FBXW7: variants seen among roughly 807,000 people sequenced by gnomAD.
FBXW7 encodes the protein F-box/WD repeat-containing protein 7.
In FBXW7, 11 loss-of-function variants were observed where a neutral mutation model predicts 86.3. The ratio of observed to expected loss-of-function variants is 0.13; its 90% CI spans 0.08 to 0.21. The LOEUF is 0.21. FBXW7 is among the 10% of genes least tolerant of loss of function. The pLI, the probability that FBXW7 is intolerant of heterozygous loss-of-function variation, is 1.00. For missense variants in FBXW7, 488 were observed against 847.4 expected, an observed-to-expected ratio of 0.58 and a Z score of 5.27; for synonymous variants, 313 against 297.9, an observed-to-expected ratio of 1.05 and a Z score of -0.52.
At chr4:152,396,251 T>C (rs1421644196) in intron 4 of FBXW7, among the ~76,000 whole-genome samples, 3 of 151,986 alleles carry the variant, frequency 2.0e-5, no homozygotes, top group East Asian at 1.9e-4. Context: ...AGTGATCTCT[T>C]ACCCTTTATA....
chr4:152,531,994 ACATCTATTTTAGGTAGTGTCT>A (rs1433821844), intron 2 of FBXW7, among the ~76,000 whole-genome samples: 1 of 152,200 alleles, frequency 6.6e-6, no homozygotes, highest in Non-Finnish European at 1.5e-5. Context: ...CACTTCTAAA[ACATCTATTTTAGGTAGTGTCT>A]CATTCATTCA....
At chr4:152,527,701 G>GC (rs1045597821) in intron 2 of FBXW7, among the ~76,000 whole-genome samples, 2 of 151,922 alleles carry the variant, frequency 1.3e-5, no homozygotes, top group African/African-American at 4.8e-5. Flanking sequence ...GATCACTTGA[G>GC]CCCAGGGGGT....
chr4:152,330,931 A>AAGTATTCCATCTTTATAAAG, intron 8 of FBXW7, 63 bp from the exon 9 acceptor site: 1 of 1,510,060 alleles, frequency 6.6e-7, no homozygotes, highest in Non-Finnish European at 9.0e-7. Context: ...ACATTTTATA[A>AAGTATTCCATCTTTATAAAG]AGTATTCCAT....
intron 2 of FBXW7, among the ~76,000 whole-genome samples, chr4:152,430,834 T>A (rs1163808372): frequency 6.6e-6 from 1 of 152,230 alleles, no homozygotes. Flanking sequence ...TCTGACAATC[T>A]TTAAAATTAA....
At chr4:152,525,773 G>A (rs534054521) in intron 2 of FBXW7, among the ~76,000 whole-genome samples, 1 of 152,268 alleles carries the variant, frequency 6.6e-6, no homozygotes, top group East Asian at 1.9e-4. Context: ...GCGTGTGCAT[G>A]TGTCTTTATG....
At chr4:152,472,458 G>A (rs1744045775) in intron 2 of FBXW7, among the ~76,000 whole-genome samples, 1 of 152,126 alleles carries the variant, frequency 6.6e-6, no homozygotes, top group African/African-American at 2.4e-5. Flanking sequence ...CTAAGCCTCA[G>A]TGAAAATGAA....
intron 2 of FBXW7, among the ~76,000 whole-genome samples, chr4:152,432,477 C>T (rs1739990573): frequency 6.6e-6 from 1 of 152,146 alleles, no homozygotes; most frequent in Non-Finnish European, 1.5e-5. Flanking sequence ...TTTTGAAAAA[C>T]ATATATATCT....
intron 2 of FBXW7, among the ~76,000 whole-genome samples, chr4:152,446,881 A>G (rs1254808052): frequency 2.0e-5 from 3 of 152,204 alleles, no homozygotes; most frequent in Non-Finnish European, 4.4e-5. Context: ...TCCTTGACCG[A>G]ATCCTAAATG....
intron 4 of FBXW7, among the ~76,000 whole-genome samples, chr4:152,384,120 G>A (rs951395536): frequency 5.3e-5 from 8 of 152,086 alleles, no homozygotes; most frequent in African/African-American, 1.4e-4. Context: ...AAAATAGTAT[G>A]GCAGTTCCTC....
At chr4:152,380,590 G>C (rs1238629037) in intron 4 of FBXW7, among the ~76,000 whole-genome samples, 2 of 151,702 alleles carry the variant, frequency 1.3e-5, no homozygotes, top group Non-Finnish European at 2.9e-5. Flanking sequence ...ACCCCAGAAA[G>C]CCCTCAGGAA....
intron 2 of FBXW7, among the ~76,000 whole-genome samples, chr4:152,447,137 G>C (rs573494590): frequency 3.9e-5 from 6 of 152,272 alleles, no homozygotes; most frequent in African/African-American, 1.4e-4. Flanking sequence ...GACTATTTGA[G>C]TACATCAAAA....
At chr4:152,531,299 C>T (rs563626822) in intron 2 of FBXW7, among the ~76,000 whole-genome samples, 2 of 152,228 alleles carry the variant, frequency 1.3e-5, no homozygotes, top group East Asian at 3.9e-4. Context: ...TAATCCAATC[C>T]CTATATTTTC....
chr4:152,438,698 T>C (rs1740606844), intron 2 of FBXW7, among the ~76,000 whole-genome samples: 1 of 152,046 alleles, frequency 6.6e-6, no homozygotes, highest in African/African-American at 2.4e-5. Flanking sequence ...CACTCTATTT[T>C]AAAACATAAA....
At chr4:152,534,363 T>C (rs1750280706) in intron 2 of FBXW7, among the ~76,000 whole-genome samples, 2 of 152,158 alleles carry the variant, frequency 1.3e-5, no homozygotes, top group Non-Finnish European at 2.9e-5. Flanking sequence ...ACAACTCAAG[T>C]TCCTGAGTAA....
intron 4 of FBXW7, among the ~76,000 whole-genome samples, chr4:152,409,839 C>T (rs1034390023): frequency 6.6e-6 from 1 of 151,244 alleles, no homozygotes; most frequent in Admixed American, 6.6e-5. Flanking sequence ...AGAGCCCAGT[C>T]CATTCTTGTT....
intron 2 of FBXW7, among the ~76,000 whole-genome samples, chr4:152,511,567 T>C (rs904931186): frequency 2.6e-5 from 4 of 152,196 alleles, no homozygotes; most frequent in African/African-American, 9.6e-5. Context: ...ATGATACATG[T>C]ACAAACTTAT....
chr4:152,423,209 G>A (rs1014568760), intron 2 of FBXW7, among the ~76,000 whole-genome samples: 3 of 152,108 alleles, frequency 2.0e-5, no homozygotes, highest in Non-Finnish European at 4.4e-5. Context: ...GTGGCAAAAT[G>A]GTGGTATTCT....
intron 11 of FBXW7, among the ~76,000 whole-genome samples, chr4:152,327,321 A>C (rs996403502): frequency 2.6e-5 from 4 of 152,032 alleles, no homozygotes; most frequent in African/African-American, 9.7e-5. Context: ...ATCTGGTGTG[A>C]AATCTGCTTA....
At chr4:152,454,946 T>C (rs1335369464) in intron 2 of FBXW7, among the ~76,000 whole-genome samples, 1 of 152,118 alleles carries the variant, frequency 6.6e-6, no homozygotes, top group Non-Finnish European at 1.5e-5. Flanking sequence ...TGTGTTTCCT[T>C]AAATAACCAT....
Sources: allele counts gnomAD v4.1 joint callset (sites outside exome capture counted in the v4.1 genomes callset), GRCh38; gene constraint gnomAD v4.1.1; transcripts MANE v1.5; gene names NCBI Gene and HGNC (gene_info 2026-07-23, HGNC 2026-07-21).